The following KALRN variants were observed in gnomAD, a reference collection of about 807,000 sequenced individuals.
KALRN encodes the protein kalirin RhoGEF kinase, also known as kalirin.
KALRN carries 70 observed loss-of-function variants against 353.7 expected under a neutral mutation model. The ratio of observed to expected loss-of-function variants is 0.20; its 90% CI spans 0.16 to 0.24. The LOEUF is 0.24. KALRN is among the 10% of genes least tolerant of loss of function. The pLI is 1.00. For missense variants in KALRN, 2,791 were observed against 3,756.7 expected, an observed-to-expected ratio of 0.74 and a Z score of 6.72; for synonymous variants, 1,391 against 1,434.8, an observed-to-expected ratio of 0.97 and a Z score of 0.69.
chr3:124,702,902 A>C (rs746126332), intron 57 of KALRN, among the ~76,000 whole-genome samples: 8 of 152,210 alleles, frequency 5.3e-5, no homozygotes, highest in Non-Finnish European at 1.0e-4. Flanking sequence ...AAAATTAAAA[A>C]TCTATCACCT....
chr3:124,499,183 G>T (rs1055384307), intron 33 of KALRN, among the ~76,000 whole-genome samples: 1 of 152,124 alleles, frequency 6.6e-6, no homozygotes, highest in Non-Finnish European at 1.5e-5. Flanking sequence ...AAAGAGCCAT[G>T]ACACACCAAC....
rs150787558 is a variant in KALRN at position 124,211,369 on chromosome 3, C to T, written c.74-16621C>T. Among the ~76,000 whole-genome samples the T allele has an allele frequency of 5.7e-3, 860 of 152,142 alleles. 4 individuals are homozygous for T. Among genetic ancestry groups the T allele is most frequent in the African/African-American group, 0.019 (787 of 41,480 alleles). On this transcript the variant is annotated intron_variant, in intron 1 of 59. Coordinates refer to ENST00000682506, the MANE Select transcript of KALRN (RefSeq NM_001388419.1). ...TTTAAAGCAAGAGATAACTTTATTG[C>T]TATAAGAAAAATGACTCAAAATTGA...
intron 1 of KALRN, among the ~76,000 whole-genome samples, chr3:124,113,370 G>A (rs575920175): frequency 3.9e-5 from 6 of 152,302 alleles, no homozygotes; most frequent in African/African-American, 1.4e-4. Flanking sequence ...ATGAGAAGGG[G>A]ATGGTGGAGT....
chr3:124,352,674 G>GT (rs1297461950), intron 10 of KALRN, among the ~76,000 whole-genome samples: 4 of 146,010 alleles, frequency 2.7e-5, no homozygotes, highest in African/African-American at 5.0e-5. Context: ...TGGTTTTTTT[G>GT]TTTTGTTTTT....
chr3:124,121,843 G>A (rs1158352253), intron 1 of KALRN, among the ~76,000 whole-genome samples: 1 of 152,194 alleles, frequency 6.6e-6, no homozygotes, highest in South Asian at 2.1e-4. Flanking sequence ...CAGTATAAGT[G>A]CTCCTCCTAA....
At chr3:124,145,564 G>A (rs544454091) in intron 1 of KALRN, among the ~76,000 whole-genome samples, 15 of 152,296 alleles carry the variant, frequency 9.8e-5, no homozygotes, top group African/African-American at 3.6e-4. Flanking sequence ...ATGACCAAAG[G>A]TGTGACTTGC....
intron 2 of KALRN, among the ~76,000 whole-genome samples, chr3:124,232,501 G>C (rs2079281270): frequency 6.6e-6 from 1 of 152,104 alleles, no homozygotes; most frequent in African/African-American, 2.4e-5. Context: ...CTCAGAGAGG[G>C]GGGCAGCCCC....
chr3:124,661,064 G>A, intron 44 of KALRN, 91 bp downstream of exon 44: 1 of 986,188 alleles, frequency 1.0e-6, no homozygotes, highest in Non-Finnish European at 1.6e-6. Context: ...GGAGGACCGT[G>A]GATCCAGGTG....
chr3:124,090,373 G>A (rs918171645), intron 1 of KALRN, among the ~76,000 whole-genome samples: 5 of 152,202 alleles, frequency 3.3e-5, no homozygotes, highest in African/African-American at 1.2e-4. Context: ...AGGCAAGGAG[G>A]AATAATTAGC....
intron 1 of KALRN, among the ~76,000 whole-genome samples, chr3:124,060,482 G>C (rs1244275444): frequency 7.2e-5 from 11 of 152,000 alleles, no homozygotes; most frequent in Non-Finnish European, 1.6e-4. Context: ...AGCCTCTTAG[G>C]GGCCAGTGCA....
chr3:124,042,854 T>C (rs1378520247), intron 1 of KALRN, among the ~76,000 whole-genome samples: 1 of 152,162 alleles, frequency 6.6e-6, no homozygotes, highest in East Asian at 1.9e-4. Flanking sequence ...TCTGGAAATA[T>C]AGATTTGGGA....
At chr3:124,379,661 G>C (rs2087062688) in intron 10 of KALRN, among the ~76,000 whole-genome samples, 1 of 152,216 alleles carries the variant, frequency 6.6e-6, no homozygotes, top group African/African-American at 2.4e-5. Flanking sequence ...TTTCCAGGCT[G>C]ACTGGTGGGA....
At chr3:124,595,180 T>C (rs934166329) in intron 34 of KALRN, among the ~76,000 whole-genome samples, 1 of 148,950 alleles carries the variant, frequency 6.7e-6, no homozygotes, top group African/African-American at 2.4e-5. Context: ...GTCTTTTTTT[T>C]CCATGTGTGT....
At chr3:124,485,751 G>A (rs1286686623) in intron 28 of KALRN, among the ~76,000 whole-genome samples, 1 of 152,120 alleles carries the variant, frequency 6.6e-6, no homozygotes, top group East Asian at 1.9e-4. Flanking sequence ...GTGGTGGCGT[G>A]CACCTGTAGT....
chr3:124,298,725 C>T, intron 5 of KALRN, 66 bp from the exon 6 acceptor site: 7 of 1,588,862 alleles, frequency 4.4e-6, no homozygotes, highest in Non-Finnish European at 6.0e-6. Flanking sequence ...TCCACTAGCT[C>T]TGAAAGTTTT....
chr3:124,078,519 A>G (rs2060375753), intron 1 of KALRN, among the ~76,000 whole-genome samples: 1 of 152,120 alleles, frequency 6.6e-6, no homozygotes, highest in African/African-American at 2.4e-5. Context: ...GCATGTGGTA[A>G]GGATGGTGAC....
chr3:124,250,064 G>A (rs1187547312), intron 3 of KALRN, among the ~76,000 whole-genome samples: 1 of 152,178 alleles, frequency 6.6e-6, no homozygotes, highest in South Asian at 2.1e-4. Flanking sequence ...ATGGCCTGGG[G>A]GGGGTGGCTT....
At chr3:124,318,502 A>G (rs532897692) in intron 6 of KALRN, among the ~76,000 whole-genome samples, 1 of 152,212 alleles carries the variant, frequency 6.6e-6, no homozygotes, top group Non-Finnish European at 1.5e-5. Context: ...TAAACTAATT[A>G]ATCATAAACT....
chr3:124,280,593 T>A (rs1445664681), intron 5 of KALRN, among the ~76,000 whole-genome samples: 1 of 152,164 alleles, frequency 6.6e-6, no homozygotes, highest in African/African-American at 2.4e-5. Flanking sequence ...CAGCTTTTGG[T>A]CCCACTTGCA....
Sources: allele counts gnomAD v4.1 joint callset (sites outside exome capture counted in the v4.1 genomes callset), GRCh38; gene constraint gnomAD v4.1.1; transcripts MANE v1.5; gene names NCBI Gene and HGNC (gene_info 2026-07-23, HGNC 2026-07-21).